IL21R: variants seen among roughly 807,000 people sequenced by gnomAD.
IL21R encodes interleukin 21 receptor.
IL21R carries 14 observed loss-of-function variants against 41.3 expected under a neutral mutation model. That is an observed-to-expected ratio of 0.34 (90% CI 0.22 to 0.53). The LOEUF is 0.53. Among genes scored for constraint, IL21R ranks in the 20% least tolerant of loss-of-function variants. IL21R has a pLI of 0.94. For synonymous variants in IL21R, 286 were observed against 287.6 expected (o/e 0.99, Z 0.05); for missense variants, 588 against 681.6 (o/e 0.86, Z 1.53).
intron 1 of IL21R, among the ~76,000 whole-genome samples, chr16:27,412,407 C>CCTT (rs746285176): frequency 6.9e-6 from 1 of 144,166 alleles, no homozygotes; most frequent in Non-Finnish European, 1.5e-5. Context: ...TTCTCCTTCT[C>CCTT]CTTCTTCTTC....
In IL21R at chr16:27,449,462, G is replaced by GTC; in HGVS notation, c.*180_*181insCT. On this transcript the variant is annotated 3_prime_UTR_variant, in exon 9 of 9. Transcript: ENST00000337929. Reference sequence around the variant, plus strand: ...TATGTGTGTGTGTGCATATGCATGTGTGTGTGTGTGTGTGTCTTAGGTGCG... The same window carrying GTC: ...TATGTGTGTGTGTGCATATGCATGTGTCTGTGTGTGTGTGTGTCTTAGGTGCG... 1 of 609,830 alleles carries GTC rather than the reference G, an allele frequency of 1.6e-6. No homozygotes were observed. Among genetic ancestry groups the GTC allele is most frequent in the Non-Finnish European group, 2.8e-6 (1 of 355,306 alleles). The allele number at this position is 609,830 out of a possible 1,614,324, so 37.8% of individuals were successfully genotyped here.
chr16:27,427,398 T>C, intron 1 of IL21R: 1 of 893,346 alleles, frequency 1.1e-6, no homozygotes, highest in Non-Finnish European at 1.3e-6. Flanking sequence ...TTTTTGTTTG[T>C]CTGTTTGTTT....
At chr16:27,429,165 A>G (rs1206873745) in intron 1 of IL21R, among the ~76,000 whole-genome samples, 1 of 152,158 alleles carries the variant, frequency 6.6e-6, no homozygotes, top group Non-Finnish European at 1.5e-5. Flanking sequence ...TAGAGGTTGC[A>G]GTGAGCCAAG....
intron 4 of IL21R, among the ~76,000 whole-genome samples, chr16:27,440,299 G>A (rs1472928576): frequency 1.5e-5 from 2 of 129,262 alleles, no homozygotes; most frequent in African/African-American, 3.1e-5. Flanking sequence ...CGCGCGCCAG[G>A]GTGTAGCTTT....
rs928015314 is a variant in IL21R, at chr16:27,402,391, T to G, written c.-244T>G. On this transcript the variant is annotated 5_prime_UTR_variant, in exon 1 of 9. Transcript: ENST00000337929. ...CGTCTCTTTCCTCTGTCTGCTGCTC[T>G]GTGGGACACCTGCCTGGAGGCCCAG... 1 of 152,682 alleles carries G rather than the reference T, an allele frequency of 6.5e-6. No individual in the cohort carries two copies. The highest frequency in any genetic ancestry group is 1.5e-5 in the Non-Finnish European group (1 of 68,400). 9.5% of individuals were successfully genotyped at this position (152,682 alleles called of 1,614,324 possible).
At chr16:27,419,813 T>C (rs1159434322) in intron 1 of IL21R, among the ~76,000 whole-genome samples, 3 of 135,820 alleles carry the variant, frequency 2.2e-5, no homozygotes, top group Non-Finnish European at 4.8e-5. Context: ...ACCAGTAACA[T>C]AGTTTATTAT....
intron 1 of IL21R, among the ~76,000 whole-genome samples, chr16:27,417,411 C>T (rs1341167177): frequency 6.6e-6 from 1 of 152,212 alleles, no homozygotes; most frequent in African/African-American, 2.4e-5. Context: ...AAGCAACCCT[C>T]CCGCCTTGGC....
Position 27,449,208 on chromosome 16 carries a change from A to AC in IL21R, c.1549dup (p.Arg517ProfsTer48), listed in dbSNP as rs748992699. Reference sequence around the variant, plus strand: ...ACTTCACCAGCCCCGGGGACGAAGGACCCCCCCGGAGCTACCTCCGCCAGT... The same window carrying AC: ...ACTTCACCAGCCCCGGGGACGAAGGACCCCCCCCGGAGCTACCTCCGCCAGT... On this transcript the variant is annotated frameshift_variant, in exon 9 of 9. Transcript: ENST00000337929. LOFTEE classifies it high-confidence loss of function. 10 of 1,609,202 alleles carry AC rather than the reference A, an allele frequency of 6.2e-6. No individual in the cohort carries two copies. The highest frequency in any genetic ancestry group is 1.7e-4 in the Middle Eastern group (1 of 6,012).
In IL21R at chr16:27,448,986, G is replaced by A; in HGVS notation, c.1320G>A (p.Gly440=). 2 of 1,612,822 alleles carry A rather than the reference G, an allele frequency of 1.2e-6. No individual in the cohort carries two copies. Among genetic ancestry groups the A allele is most frequent in the Non-Finnish European group, 1.7e-6 (2 of 1,179,884 alleles). Residue 440 remains glycine, a synonymous_variant, in exon 9 of 9, where the codon GGG becomes GGA. Coordinates refer to ENST00000337929, the MANE Select transcript of IL21R (RefSeq NM_181078.3). ...CAGCTGGCAGCCCTGGGCTAGGAGG[G>A]CCCCTGGGAAGCCTCCTGGACAGAC... ...CVSAGSPGLG[G]PLGSLLDRLK...
chr16:27,437,038 A>G (rs1213006301), intron 3 of IL21R, among the ~76,000 whole-genome samples: 1 of 152,134 alleles, frequency 6.6e-6, no homozygotes, highest in Non-Finnish European at 1.5e-5. Flanking sequence ...TCACACTACT[A>G]TACTCCAGCC....
Position 27,450,420 on chromosome 16 carries a change from C to A in IL21R, c.*1137C>A, listed in dbSNP as rs567043052. ...CTCCGGCCACACATCCTGCTGGGCC[C>A]CCTACCCTGCCCCAATTCAATCCTG... On this transcript the variant is annotated 3_prime_UTR_variant, in exon 9 of 9. Transcript: ENST00000337929. 4.3e-6 allele frequency: 1 copy of A among 231,658 alleles called. No homozygotes were observed. The highest frequency in any genetic ancestry group is 1.8e-4 in the South Asian group (1 of 5,514). 14.4% of individuals were successfully genotyped at this position (231,658 alleles called of 1,614,324 possible). A position where few individuals can be genotyped will look rare whatever the true frequency, so the allele number is the denominator to read the frequency against.
chr16:27,435,369 G>A (rs544255700), intron 3 of IL21R, among the ~76,000 whole-genome samples: 11 of 152,326 alleles, frequency 7.2e-5, no homozygotes, highest in East Asian at 3.9e-4. Flanking sequence ...TGGAACTGAC[G>A]TACCACGGTG....
chr16:27,427,658 C>T (rs994098485), intron 1 of IL21R, among the ~76,000 whole-genome samples: 1 of 152,136 alleles, frequency 6.6e-6, no homozygotes, highest in East Asian at 1.9e-4. Context: ...GGAGTTTGCA[C>T]TTTTTGCTGT....
At chr16:27,425,379 T>C (rs1400300004) in intron 1 of IL21R, among the ~76,000 whole-genome samples, 2 of 152,180 alleles carry the variant, frequency 1.3e-5, no homozygotes. Flanking sequence ...AAGTCTGTGT[T>C]TTTAAGCTGA....
rs3093363 is a variant in IL21R, at chr16:27,443,241, A to G, written c.507+125A>G. 237,152 of 788,610 alleles carry G rather than the reference A, an allele frequency of 0.3. 38,869 individuals carry two copies. Among genetic ancestry groups the G allele is most frequent in the African/African-American group, 0.48 (27,071 of 56,182 alleles). The allele number at this position is 788,610 out of a possible 1,614,324, so 48.9% of individuals were successfully genotyped here. ...ATGGCCAAGAACAGAGACCAAGGGC[A>G]CGAGCACTCCCTTACAGCGGGCCCT... On this transcript the variant is annotated intron_variant, in intron 5 of 8. Transcript: ENST00000337929.
At chr16:27,434,192 C>G (rs1330973273) in intron 2 of IL21R, among the ~76,000 whole-genome samples, 155 bp from the exon 3 acceptor site, 1 of 152,120 alleles carries the variant, frequency 6.6e-6, no homozygotes, top group Non-Finnish European at 1.5e-5. Context: ...CCCTGGGTGC[C>G]AGGCCTACAT....
At chr16:27,445,886 G>T (rs61027444) in intron 7 of IL21R, 121 bp from the exon 8 acceptor site, 1 of 637,250 alleles carries the variant, frequency 1.6e-6, no homozygotes, top group Non-Finnish European at 2.6e-6. Flanking sequence ...GGAGGGAGGC[G>T]CCTGGGCTGA....
intron 1 of IL21R, among the ~76,000 whole-genome samples, chr16:27,413,937 C>A (rs539099419): frequency 4.2e-4 from 64 of 151,892 alleles, no homozygotes; most frequent in Non-Finnish European, 7.7e-4. Context: ...ATAATAATAA[C>A]AATTATTATT....
chr16:27,440,287 A>AGAGAGAGC (rs1479585420), intron 4 of IL21R, among the ~76,000 whole-genome samples: 13 of 102,702 alleles, frequency 1.3e-4, no homozygotes, highest in African/African-American at 3.0e-4. Context: ...AGAGCGAGCA[A>AGAGAGAGC]GCGCGCGCCA....
Sources: gnomAD v4.1 joint callset for allele counts (sites outside exome capture counted in the v4.1 genomes callset) on GRCh38, gnomAD v4.1.1 for gene constraint, MANE v1.5 for transcripts, NCBI Gene and HGNC (gene_info 2026-07-23, HGNC 2026-07-21) for gene names.